The following FLVCR1 variants were observed in gnomAD, a reference collection of about 807,000 sequenced individuals.
FLVCR1 encodes FLVCR choline and heme transporter 1.
Under a neutral mutation model 53.6 loss-of-function variants are expected in FLVCR1, and 34 were observed. That is an observed-to-expected ratio of 0.63 (90% CI 0.48 to 0.84). The LOEUF (loss-of-function observed/expected upper bound fraction) is 0.84. Among genes scored for constraint, FLVCR1 ranks in the 40% least tolerant of loss-of-function variants. The pLI, the probability that FLVCR1 is intolerant of heterozygous loss-of-function variation, is 0.00. For synonymous variants in FLVCR1, 300 were observed against 286.3 expected (o/e 1.05, Z -0.48); for missense variants, 677 against 696.7 (o/e 0.97, Z 0.32).
At chr1:212,860,436 C>T (rs983498906) in intron 1 of FLVCR1, among the ~76,000 whole-genome samples, 1 of 146,244 alleles carries the variant, frequency 6.8e-6, no homozygotes, top group African/African-American at 2.5e-5. Flanking sequence ...TCTCTGCCCA[C>T]CTCTGCCTCC....
intron 5 of FLVCR1, among the ~76,000 whole-genome samples, chr1:212,887,631 C>T (rs1041527245): frequency 7.9e-5 from 12 of 152,000 alleles, no homozygotes; most frequent in Non-Finnish European, 1.8e-4. Context: ...GGGAACTATC[C>T]CATTTGGTGG....
rs1558124499 is a variant in FLVCR1, at chr1:212,896,890, G to GAAAAAA, written c.*1600_*1601insAAAAAA. The GAAAAAA allele has an allele frequency of 3.3e-4, 31 of 93,562 alleles. 3 individuals are homozygous for GAAAAAA. Among genetic ancestry groups the GAAAAAA allele is most frequent in the Non-Finnish European group, 3.7e-4 (18 of 48,064 alleles). 5.8% of individuals were successfully genotyped at this position (93,562 alleles called of 1,614,324 possible). Reference sequence around the variant, plus strand: ...AAAAAAAAAAAAAAAAAAAAAAAAGGCCAGGCGCAGTGCTGTGGCTCATGC... The same window carrying GAAAAAA: ...AAAAAAAAAAAAAAAAAAAAAAAAGGAAAAAACCAGGCGCAGTGCTGTGGCTCATGC... On this transcript the variant is annotated 3_prime_UTR_variant, in exon 10 of 10. Transcript: ENST00000366971.
chr1:212,892,465 CCCCGT>C (rs1665217077), intron 8 of FLVCR1, among the ~76,000 whole-genome samples: 1 of 152,298 alleles, frequency 6.6e-6, no homozygotes, highest in South Asian at 2.1e-4. Context: ...TGAACCTGAA[CCCCGT>C]AGTTGATAGT....
In FLVCR1 at chr1:212,898,931, A is replaced by G. The variant is rs1350729715; in HGVS notation, c.*3641A>G. The G allele has an allele frequency of 1.3e-5, 2 of 152,258 alleles. No individual in the cohort carries two copies. The highest frequency in any genetic ancestry group is 2.9e-5 in the Non-Finnish European group (2 of 68,040). The allele number at this position is 152,258 out of a possible 1,614,324, so 9.4% of individuals were successfully genotyped here. A position where few individuals can be genotyped will look rare whatever the true frequency, so the allele number is the denominator to read the frequency against. On this transcript the variant is annotated 3_prime_UTR_variant, in exon 10 of 10. Transcript: ENST00000366971. ...CATAGAACAGATAATACATTGTGCT[A>G]CAATGTAACAATGGCTGTGGCATCA...
At chr1:212,889,401 A>C (rs1558121167) in intron 8 of FLVCR1, 144 bp downstream of exon 8, 1 of 664,552 alleles carries the variant, frequency 1.5e-6, no homozygotes, top group African/African-American at 1.8e-5. Flanking sequence ...TAAAGACATG[A>C]ATCTCTTACT....
chr1:212,871,713 A>C (rs1039422812), intron 2 of FLVCR1, among the ~76,000 whole-genome samples: 8 of 152,294 alleles, frequency 5.3e-5, no homozygotes, highest in African/African-American at 1.9e-4. Flanking sequence ...TGGTTAGCCT[A>C]ACCCTAAAGA....
intron 2 of FLVCR1, among the ~76,000 whole-genome samples, chr1:212,866,194 A>C (rs11120050): frequency 0.46 from 69,980 of 151,486 alleles, 17,344 homozygotes; most frequent in Non-Finnish European, 0.55. Flanking sequence ...CATGTTGGCC[A>C]GGCTGGTCTC....
At chr1:212,861,271 G>A (rs184930942) in intron 1 of FLVCR1, among the ~76,000 whole-genome samples, 29 of 152,310 alleles carry the variant, frequency 1.9e-4, no homozygotes, top group Admixed American at 5.2e-4. Context: ...GGCCTTGTAT[G>A]TAATGTCCTG....
chr1:212,864,157 T>C (rs1664340043), intron 2 of FLVCR1, among the ~76,000 whole-genome samples: 1 of 152,224 alleles, frequency 6.6e-6, no homozygotes, highest in Non-Finnish European at 1.5e-5. Flanking sequence ...CCTCTTCCCA[T>C]ATTCGCCTAC....
chr1:212,882,882 G>C (rs1664962824), intron 3 of FLVCR1, among the ~76,000 whole-genome samples: 1 of 152,026 alleles, frequency 6.6e-6, no homozygotes, highest in Non-Finnish European at 1.5e-5. Context: ...CTGGGCAACA[G>C]AGCAAGGCTC....
At chr1:212,873,113 G>T (rs764298702) in intron 3 of FLVCR1, among the ~76,000 whole-genome samples, 3 of 152,062 alleles carry the variant, frequency 2.0e-5, no homozygotes, top group Admixed American at 1.3e-4. Flanking sequence ...TGCATGTCAG[G>T]ACTAGCATGG....
chr1:212,885,433 A>G (rs1665035152), intron 5 of FLVCR1, 37 bp downstream of exon 5: 7 of 1,468,884 alleles, frequency 4.8e-6, no homozygotes, highest in Non-Finnish European at 6.7e-6. Flanking sequence ...TGTATAACCA[A>G]AGGTATTTTG....
intron 3 of FLVCR1, among the ~76,000 whole-genome samples, chr1:212,873,048 G>A (rs1216332064): frequency 6.6e-6 from 1 of 152,100 alleles, no homozygotes; most frequent in Non-Finnish European, 1.5e-5. Context: ...GGCTCATGCT[G>A]GTAATCCCAG....
chr1:212,893,340 C>T (rs2102574998), intron 8 of FLVCR1, among the ~76,000 whole-genome samples: 1 of 152,236 alleles, frequency 6.6e-6, no homozygotes, highest in Non-Finnish European at 1.5e-5. Flanking sequence ...CAGGTGTCAG[C>T]CACTGCGCCT....
intron 3 of FLVCR1, among the ~76,000 whole-genome samples, chr1:212,873,585 G>A (rs1664668552): frequency 6.6e-6 from 1 of 152,218 alleles, no homozygotes; most frequent in African/African-American, 2.4e-5. Context: ...CAGGATAGCT[G>A]ACAGATATTC....
At chr1:212,894,377 T>A (rs1426952174) in intron 8 of FLVCR1, among the ~76,000 whole-genome samples, 1 of 151,916 alleles carries the variant, frequency 6.6e-6, no homozygotes, top group Non-Finnish European at 1.5e-5. Flanking sequence ...ATGGTCTCGA[T>A]CTTCTGACCT....
At chr1:212,859,317 A>C in intron 1 of FLVCR1, 127 bp downstream of exon 1, 1 of 1,428,740 alleles carries the variant, frequency 7.0e-7, no homozygotes, top group Non-Finnish European at 9.7e-7. Flanking sequence ...GAGGAGATGA[A>C]GCCGTTGAAT....
At chr1:212,880,009 A>G (rs1271466865) in intron 3 of FLVCR1, among the ~76,000 whole-genome samples, 3 of 151,506 alleles carry the variant, frequency 2.0e-5, no homozygotes, top group Admixed American at 6.6e-5. Flanking sequence ...TCTTCATCCA[A>G]ATTTTTGCTA....
chr1:212,891,511 C>T (rs1665193644), intron 8 of FLVCR1, among the ~76,000 whole-genome samples: 1 of 152,026 alleles, frequency 6.6e-6, no homozygotes, highest in Admixed American at 6.6e-5. Flanking sequence ...CTTCAAATTA[C>T]TTTTACAAGA....
Sources: gnomAD v4.1 joint callset for allele counts (sites outside exome capture counted in the v4.1 genomes callset) on GRCh38, gnomAD v4.1.1 for gene constraint, MANE v1.5 for transcripts, NCBI Gene and HGNC (gene_info 2026-07-23, HGNC 2026-07-21) for gene names.